SIPA1L1: variants seen among roughly 807,000 people sequenced by gnomAD.
SIPA1L1 encodes signal-induced proliferation-associated 1-like protein 1.
In SIPA1L1, 26 loss-of-function variants were observed where a neutral mutation model predicts 162.7. That is an observed-to-expected ratio of 0.16 (90% CI 0.12 to 0.22). The LOEUF is 0.22. Ranked by LOEUF, SIPA1L1 falls within the 10% of genes least tolerant of loss-of-function variation. The pLI, the probability that SIPA1L1 is intolerant of heterozygous loss-of-function variation, is 1.00. For synonymous variants in SIPA1L1, 829 were observed against 837.4 expected (o/e 0.99, Z 0.17); for missense variants, 1,874 against 2,241.0 (o/e 0.84, Z 3.31).
chr14:71,574,423 A>G (rs1441018896), intron 4 of SIPA1L1: 1 of 152,482 alleles, frequency 6.6e-6, no homozygotes, highest in Non-Finnish European at 1.5e-5. Context: ...TTCAGGGAGC[A>G]TGGTGGGAAG....
chr14:71,426,897 T>C (rs2043611536), intron 2 of SIPA1L1, among the ~76,000 whole-genome samples: 1 of 152,212 alleles, frequency 6.6e-6, no homozygotes. Context: ...CCTTGTGTGC[T>C]CAAAAACATA....
At chr14:71,702,776 C>T (rs2082181194) in intron 15 of SIPA1L1, among the ~76,000 whole-genome samples, 1 of 152,170 alleles carries the variant, frequency 6.6e-6, no homozygotes, top group Non-Finnish European at 1.5e-5. Flanking sequence ...AGACTAAGTA[C>T]CTTCCTCCCC....
chr14:71,700,597 A>T (rs984119340), intron 14 of SIPA1L1, among the ~76,000 whole-genome samples: 2 of 152,202 alleles, frequency 1.3e-5, no homozygotes, highest in African/African-American at 4.8e-5. Context: ...TTTATTTTTG[A>T]TAAGTGCTAC....
intron 2 of SIPA1L1, among the ~76,000 whole-genome samples, chr14:71,345,637 G>T (rs1322152855): frequency 6.7e-6 from 1 of 149,190 alleles, no homozygotes; most frequent in Non-Finnish European, 1.5e-5. Context: ...GCAGTGGCGC[G>T]ATCTTGGCTC....
intron 8 of SIPA1L1, 52 bp downstream of exon 8, chr14:71,650,561 G>T: frequency 6.5e-7 from 1 of 1,529,800 alleles, no homozygotes; most frequent in South Asian, 1.1e-5. Context: ...CTGTTGTGCT[G>T]TTGTGCATCT....
intron 21 of SIPA1L1, 45 bp downstream of exon 21, chr14:71,733,857 G>A (rs527387886): frequency 4.9e-5 from 77 of 1,586,484 alleles, no homozygotes; most frequent in Middle Eastern, 2.3e-4. Context: ...ATCCTGCAGC[G>A]GAGTGAGCAG....
At chr14:71,509,480 C>T (rs1397257156) in intron 2 of SIPA1L1, among the ~76,000 whole-genome samples, 3 of 152,174 alleles carry the variant, frequency 2.0e-5, no homozygotes, top group Non-Finnish European at 2.9e-5. Flanking sequence ...CGGTGGCTCA[C>T]GCCTATAATC....
At chr14:71,416,461 A>G in intron 2 of SIPA1L1, among the ~76,000 whole-genome samples, 1 of 152,076 alleles carries the variant, frequency 6.6e-6, no homozygotes, top group African/African-American at 2.4e-5. Context: ...GCACTGAAAT[A>G]TCTTCTTTTA....
intron 4 of SIPA1L1, among the ~76,000 whole-genome samples, chr14:71,534,101 G>A (rs1244203364): frequency 6.6e-6 from 1 of 150,946 alleles, no homozygotes; most frequent in Admixed American, 6.6e-5. Flanking sequence ...ATAAAAATAA[G>A]AAAAGAGTGC....
intron 2 of SIPA1L1, among the ~76,000 whole-genome samples, chr14:71,367,909 CT>C (rs543910059): frequency 0.039 from 5,002 of 126,992 alleles, 135 homozygotes; most frequent in African/African-American, 0.089. Context: ...GCCGGCCTTC[CT>C]TTTTTTTTTT....
chr14:71,382,921 A>G (rs540806846), intron 2 of SIPA1L1, among the ~76,000 whole-genome samples: 1 of 152,272 alleles, frequency 6.6e-6, no homozygotes, highest in Admixed American at 6.5e-5. Flanking sequence ...GCCCAGCAGA[A>G]TATTCTGGGA....
At chr14:71,712,560 G>A (rs1393073572) in intron 17 of SIPA1L1, among the ~76,000 whole-genome samples, 2 of 152,010 alleles carry the variant, frequency 1.3e-5, no homozygotes, top group Non-Finnish European at 2.9e-5. Flanking sequence ...GCCTAGGAGA[G>A]GTGAAGATAG....
At chr14:71,416,512 T>G (rs2042772696) in intron 2 of SIPA1L1, among the ~76,000 whole-genome samples, 1 of 152,138 alleles carries the variant, frequency 6.6e-6, no homozygotes, top group Non-Finnish European at 1.5e-5. Context: ...GTATCTCTAA[T>G]AGGTCAGGTG....
chr14:71,626,285 C>T (rs2039976817), intron 7 of SIPA1L1, among the ~76,000 whole-genome samples: 1 of 152,106 alleles, frequency 6.6e-6, no homozygotes, highest in Non-Finnish European at 1.5e-5. Context: ...TACTATTAGA[C>T]AGTAGTTTTT....
At chr14:71,536,457 T>C (rs1288418829) in intron 4 of SIPA1L1, among the ~76,000 whole-genome samples, 1 of 152,262 alleles carries the variant, frequency 6.6e-6, no homozygotes, top group Non-Finnish European at 1.5e-5. Flanking sequence ...GAGAGCTTTG[T>C]CCTCTGCCCT....
intron 4 of SIPA1L1, among the ~76,000 whole-genome samples, chr14:71,582,578 A>G (rs2034083874): frequency 6.6e-6 from 1 of 152,212 alleles, no homozygotes; most frequent in Non-Finnish European, 1.5e-5. Flanking sequence ...GTGTCCAAAC[A>G]GGCACATTTT....
At chr14:71,379,225 C>T (rs972748229) in intron 2 of SIPA1L1, among the ~76,000 whole-genome samples, 1 of 151,010 alleles carries the variant, frequency 6.6e-6, no homozygotes, top group Non-Finnish European at 1.5e-5. Flanking sequence ...CTGTCATGTT[C>T]TTTGTTGTCA....
intron 12 of SIPA1L1, 91 bp downstream of exon 12, chr14:71,672,713 T>G: frequency 7.3e-7 from 1 of 1,370,366 alleles, no homozygotes; most frequent in African/African-American, 1.4e-5. Context: ...TGGAGTAGGG[T>G]GTTGTGAAGA....
chr14:71,597,687 A>C (rs2036207390), intron 5 of SIPA1L1, among the ~76,000 whole-genome samples: 1 of 152,120 alleles, frequency 6.6e-6, no homozygotes, highest in African/African-American at 2.4e-5. Flanking sequence ...CATGGAGCTG[A>C]GTTTCCTTCC....
Sources: gnomAD v4.1 joint callset for allele counts (sites outside exome capture counted in the v4.1 genomes callset) on GRCh38, gnomAD v4.1.1 for gene constraint, MANE v1.5 for transcripts, NCBI Gene and HGNC (gene_info 2026-07-23, HGNC 2026-07-21) for gene names.